Variants in ARPC3 observed in about 807,000 individuals in gnomAD.
The protein encoded by ARPC3 is actin related protein 2/3 complex subunit 3.
Under a neutral mutation model 27.6 loss-of-function variants are expected in ARPC3, and 12 were observed. The ratio of observed to expected loss-of-function variants is 0.43; its 90% CI spans 0.28 to 0.70. The LOEUF (loss-of-function observed/expected upper bound fraction) is 0.70. Ranked by LOEUF, ARPC3 falls within the 30% of genes least tolerant of loss-of-function variation. The pLI is 0.17. For synonymous variants in ARPC3, 53 were observed against 67.2 expected, an observed-to-expected ratio of 0.79 and a Z score of 1.03; for missense variants, 153 against 207.7, an observed-to-expected ratio of 0.74 and a Z score of 1.62.
Position 110,437,359 on chromosome 12 carries a change from T to C in ARPC3, c.184-207A>G, listed in dbSNP as rs548183555. On this transcript the variant is annotated intron_variant, in intron 3 of 6. Coordinates refer to ENST00000228825, the MANE Select transcript of ARPC3 (RefSeq NM_001278556.2). ...TGGGAGGAAGGCACAAGCCCCACTC[T>C]GAGATGTGCAGCTGCTTTTTTTTTT... is the stretch of plus-strand genomic sequence containing the variant. 2.4e-3 allele frequency: 1,278 copies of C among 537,434 alleles called. 3 individuals are homozygous for C. Among genetic ancestry groups the C allele is most frequent in the Non-Finnish European group, 2.6e-3 (787 of 298,832 alleles). 33.3% of individuals were successfully genotyped at this position (537,434 alleles called of 1,614,324 possible).
intron 1 of ARPC3, among the ~76,000 whole-genome samples, chr12:110,446,193 T>C (rs1324209098): frequency 2.0e-5 from 3 of 151,780 alleles, no homozygotes; most frequent in Non-Finnish European, 4.4e-5. Flanking sequence ...CTCACCATGT[T>C]GCCTAAGATG....
At chr12:110,440,578 G>C in intron 2 of ARPC3, 190 bp from the exon 3 acceptor site, 1 of 516,348 alleles carries the variant, frequency 1.9e-6, no homozygotes, top group Non-Finnish European at 3.5e-6. Context: ...ACAGAGTCTC[G>C]CTCTGTCACC....
intron 6 of ARPC3, 59 bp from the exon 7 acceptor site, chr12:110,435,276 T>C (rs2062396578): frequency 3.7e-5 from 48 of 1,304,168 alleles, no homozygotes; most frequent in Middle Eastern, 1.8e-4. Flanking sequence ...AGAATTTGCA[T>C]TTATTTAATA....
intron 2 of ARPC3, 28 bp downstream of exon 2, chr12:110,445,424 A>G (rs1294678112): frequency 1.3e-6 from 2 of 1,536,212 alleles, no homozygotes; most frequent in Non-Finnish European, 1.8e-6. Flanking sequence ...TTCGTACCAA[A>G]ATTTGAAAAT....
intron 2 of ARPC3, among the ~76,000 whole-genome samples, chr12:110,444,551 C>T (rs2062454394): frequency 6.6e-6 from 1 of 152,154 alleles, no homozygotes; most frequent in Non-Finnish European, 1.5e-5. Flanking sequence ...TTCCAAAGTG[C>T]TGGGATTACA....
Position 110,445,477 on chromosome 12 carries a change from T to A in ARPC3, c.81A>T (p.Gln27His). The A allele has an allele frequency of 6.2e-7, 1 of 1,613,146 alleles. No homozygotes were observed. The highest frequency in any genetic ancestry group is 2.2e-5 in the East Asian group (1 of 44,874). The change falls in exon 2 of 7, where the codon CAA becomes CAT. Residue 27 changes from glutamine (Q) to histidine (H), a missense_variant. Gln to His is a conservative substitution (Grantham distance 24). Coordinates refer to ENST00000228825, the MANE Select transcript of ARPC3 (RefSeq NM_001278556.2). Reference protein sequence around the residue: ...GNMALLPIRSQFKGPAPRETK... With the variant: ...GNMALLPIRSHFKGPAPRETK... ...TCTCTCTGGGGGCAGGTCCTTTGAA[T>A]TGACTTCTGATAGGCAACAGTGCCA... is the stretch of plus-strand genomic sequence containing the variant.
chr12:110,440,096 G>A (rs2062427506), intron 3 of ARPC3, among the ~76,000 whole-genome samples: 1 of 152,106 alleles, frequency 6.6e-6, no homozygotes, highest in African/African-American at 2.4e-5. Context: ...GGCCAAATGT[G>A]GCCCTCAGGT....
At position 110,440,370 on chromosome 12, in the gene ARPC3, A is replaced by G; in HGVS notation, c.125T>C (p.Val42Ala). The change falls in exon 3 of 7, where the codon GTG becomes GCG. Residue 42 changes from valine (V) to alanine (A), a missense_variant. By Grantham distance (64) the Val-to-Ala change is moderately conservative. Transcript: ENST00000228825. ...CTTGAAGTAATAGATGGCTTCATCC[A>G]CAATATCTGTATCTTTTGCTAAGCA... The part of the protein sequence containing the change: ...APRETKDTDI[V>A]DEAIYYFKAN... 6.2e-7 allele frequency: 1 copy of G among 1,610,858 alleles called. No individual in the cohort carries two copies. The highest frequency in any genetic ancestry group is 8.5e-7 in the Non-Finnish European group (1 of 1,177,092).
intron 2 of ARPC3, chr12:110,443,174 A>T (rs970615253): frequency 1.4e-5 from 2 of 144,298 alleles, no homozygotes; most frequent in African/African-American, 5.2e-5. Context: ...GCTGGAGTGC[A>T]GTGGTGCAAT....
chr12:110,446,711 C>T (rs533292446), intron 1 of ARPC3, among the ~76,000 whole-genome samples: 11 of 147,390 alleles, frequency 7.5e-5, no homozygotes, highest in Admixed American at 5.4e-4. Flanking sequence ...TGGGTTCAAG[C>T]GATTCTCCTG....
Position 110,437,123 on chromosome 12 carries a change from T to C in ARPC3, c.213A>G (p.Ile71Met). Residue 71 changes from isoleucine to methionine, a missense_variant, in exon 4 of 7, where the codon ATA (isoleucine) becomes ATG (methionine). Ile to Met is a conservative substitution (Grantham distance 10). Coordinates refer to ENST00000228825, the MANE Select transcript of ARPC3 (RefSeq NM_001278556.2). ...KNEADRTLIY[I>M]TLYISECLKK... ...TCAGACATTCAGAAATGTAGAGAGT[T>C]ATATATATCAAGGTCCTATCAGCTT... 1 of 1,602,736 alleles carries C rather than the reference T, an allele frequency of 6.2e-7. No homozygotes were observed. The highest frequency in any genetic ancestry group is 8.5e-7 in the Non-Finnish European group (1 of 1,170,462).
chr12:110,444,618 C>T (rs537391998), intron 2 of ARPC3, among the ~76,000 whole-genome samples: 52 of 152,220 alleles, frequency 3.4e-4, no homozygotes, highest in African/African-American at 1.2e-3. Flanking sequence ...TTTCTTCTTT[C>T]CCAGGCTGTC....
intron 2 of ARPC3, among the ~76,000 whole-genome samples, chr12:110,440,780 G>T (rs1265883704): frequency 2.5e-4 from 36 of 143,782 alleles, no homozygotes; most frequent in Middle Eastern, 4.3e-3. Context: ...TCTCCTGACC[G>T]CGTGATCCGC....
intron 1 of ARPC3, 63 bp from the exon 2 acceptor site, chr12:110,445,614 C>T (rs375243089): frequency 1.6e-6 from 2 of 1,235,790 alleles, no homozygotes; most frequent in Non-Finnish European, 2.4e-6. Flanking sequence ...CTGTGGCAAA[C>T]AACCTTCCCT....
chr12:110,438,936 T>C (rs996588104), intron 3 of ARPC3, among the ~76,000 whole-genome samples: 6 of 151,742 alleles, frequency 4.0e-5, no homozygotes, highest in Non-Finnish European at 5.9e-5. Context: ...CCCAGCCACA[T>C]TTCCCTATTT....
intron 1 of ARPC3, 48 bp from the exon 2 acceptor site, chr12:110,445,599 T>A (rs1159029629): frequency 6.5e-6 from 9 of 1,382,088 alleles, no homozygotes; most frequent in Non-Finnish European, 9.3e-6. Context: ...AAAGAGCAAA[T>A]GTCACTGTGG....
chr12:110,444,842 C>T (rs768240248), intron 2 of ARPC3: 1 of 153,730 alleles, frequency 6.5e-6, no homozygotes, highest in Admixed American at 6.5e-5. Flanking sequence ...TCAGTTCAGA[C>T]CCTTGCAGGG....
At chr12:110,436,729 C>A in intron 4 of ARPC3, 46 bp from the exon 5 acceptor site, 3 of 1,043,958 alleles carry the variant, frequency 2.9e-6, no homozygotes, top group Non-Finnish European at 2.8e-6. Flanking sequence ...CACACACACA[C>A]ACACACACAC....
At chr12:110,441,991 A>G (rs1249214285) in intron 2 of ARPC3, among the ~76,000 whole-genome samples, 2 of 149,984 alleles carry the variant, frequency 1.3e-5, no homozygotes, top group Non-Finnish European at 3.0e-5. Flanking sequence ...AGATTGCACC[A>G]TTGCACTCCA....
Sources: allele counts gnomAD v4.1 joint callset (sites outside exome capture counted in the v4.1 genomes callset), GRCh38; gene constraint gnomAD v4.1.1; transcripts MANE v1.5; gene names NCBI Gene and HGNC (gene_info 2026-07-23, HGNC 2026-07-21).